The following SAE1 variants were observed in gnomAD, a reference collection of about 807,000 sequenced individuals.
SAE1 encodes the protein SUMO1 activating enzyme subunit 1.
SAE1 carries 11 observed loss-of-function variants against 40.6 expected under a neutral mutation model. The ratio of observed to expected loss-of-function variants is 0.27; its 90% CI spans 0.17 to 0.45. The LOEUF is 0.45. Among genes scored for constraint, SAE1 ranks in the 20% least tolerant of loss-of-function variants. SAE1 has a pLI of 1.00. For synonymous variants in SAE1, 155 were observed against 154.3 expected (o/e 1.00, Z -0.03); for missense variants, 373 against 427.3 (o/e 0.87, Z 1.12).
At chr19:47,139,352 A>AT (rs928548546) in intron 1 of SAE1, among the ~76,000 whole-genome samples, 124 of 150,882 alleles carry the variant, frequency 8.2e-4, no homozygotes, top group African/African-American at 2.7e-3. Flanking sequence ...CACCCAGCTA[A>AT]TTTTTTTTTG....
intron 1 of SAE1, 125 bp downstream of exon 1, chr19:47,131,153 G>A: frequency 7.0e-7 from 1 of 1,429,628 alleles, no homozygotes; most frequent in Non-Finnish European, 9.1e-7. Context: ...TGTGCTCTGG[G>A]ATCGTCTCTC....
At chr19:47,169,208 A>G (rs867211737) in intron 5 of SAE1, among the ~76,000 whole-genome samples, 4 of 152,156 alleles carry the variant, frequency 2.6e-5, no homozygotes, top group African/African-American at 9.7e-5. Flanking sequence ...TCATTGTGGA[A>G]GTATTCCTGT....
chr19:47,205,652 T>C (rs2058682741), intron 8 of SAE1, among the ~76,000 whole-genome samples: 1 of 152,088 alleles, frequency 6.6e-6, no homozygotes, highest in Non-Finnish European at 1.5e-5. Flanking sequence ...AATGTACATA[T>C]TTTTGTAGCC....
chr19:47,144,851 G>A (rs531827481), intron 2 of SAE1, among the ~76,000 whole-genome samples: 1 of 152,116 alleles, frequency 6.6e-6, no homozygotes, highest in African/African-American at 2.4e-5. Context: ...GTGTTTTTGC[G>A]AGACGAGTCT....
intron 2 of SAE1, 107 bp from the exon 3 acceptor site, chr19:47,150,095 A>AAT: frequency 5.7e-6 from 4 of 696,838 alleles, no homozygotes; most frequent in Non-Finnish European, 8.5e-6. Flanking sequence ...AAAAAAAAAA[A>AAT]TTTAGGTGGT....
At chr19:47,184,817 T>C (rs1056003627) in intron 6 of SAE1, among the ~76,000 whole-genome samples, 1 of 151,492 alleles carries the variant, frequency 6.6e-6, no homozygotes, top group Non-Finnish European at 1.5e-5. Context: ...TGTTTTGTTT[T>C]GTTTTGTTTT....
chr19:47,165,135 G>A (rs1038108667), intron 5 of SAE1, among the ~76,000 whole-genome samples: 18 of 135,734 alleles, frequency 1.3e-4, no homozygotes, highest in Non-Finnish European at 2.4e-4. Context: ...CCAGGCTGGA[G>A]TACAGTGGTT....
At chr19:47,206,826 G>A (rs904295099) in intron 8 of SAE1, among the ~76,000 whole-genome samples, 3 of 152,062 alleles carry the variant, frequency 2.0e-5, no homozygotes, top group Non-Finnish European at 4.4e-5. Context: ...CTACGTGCTC[G>A]GCACTTTACA....
intron 7 of SAE1, among the ~76,000 whole-genome samples, chr19:47,201,630 GGGA>G (rs1431839774): frequency 1.3e-5 from 2 of 149,876 alleles, no homozygotes; most frequent in East Asian, 3.9e-4. Context: ...TACCAGCAAT[GGGA>G]GGAGTTTTTT....
At chr19:47,163,261 AAAAG>A (rs1439637541) in intron 5 of SAE1, among the ~76,000 whole-genome samples, 3 of 151,932 alleles carry the variant, frequency 2.0e-5, no homozygotes, top group African/African-American at 4.8e-5. Context: ...CAAAAAAAAA[AAAAG>A]AAAATTGAAA....
At chr19:47,150,511 G>A (rs1226981156) in intron 3 of SAE1, 136 bp downstream of exon 3, 1 of 698,782 alleles carries the variant, frequency 1.4e-6, no homozygotes, top group African/African-American at 1.8e-5. Flanking sequence ...AAATGTATAA[G>A]CTGTTCTATT....
intron 6 of SAE1, among the ~76,000 whole-genome samples, chr19:47,185,940 C>CA (rs1162679858): frequency 4.7e-5 from 7 of 148,340 alleles, no homozygotes; most frequent in Admixed American, 4.0e-4. Flanking sequence ...ACATAACACT[C>CA]AAAAAAATGC....
chr19:47,193,121 A>G (rs1197698461), intron 6 of SAE1, among the ~76,000 whole-genome samples: 1 of 148,822 alleles, frequency 6.7e-6, no homozygotes, highest in African/African-American at 2.5e-5. Flanking sequence ...GCAGTGGCAC[A>G]ATCTCGGCTC....
intron 6 of SAE1, among the ~76,000 whole-genome samples, chr19:47,174,183 T>C (rs1166600252): frequency 6.6e-6 from 1 of 152,070 alleles, no homozygotes; most frequent in African/African-American, 2.4e-5. Context: ...TGTTTACCAC[T>C]CTCTCCCAGA....
chr19:47,186,147 G>A (rs1053651772), intron 6 of SAE1, among the ~76,000 whole-genome samples: 3 of 151,766 alleles, frequency 2.0e-5, no homozygotes, highest in Non-Finnish European at 4.4e-5. Context: ...GGCTGAAGCA[G>A]GAGAATCACT....
chr19:47,150,320 T>G lies in SAE1; in HGVS notation c.329T>G (p.Val110Gly), dbSNP rs1161473190. ...CTCAACCCCATGGTGGATGTGAAGG[T>G]GGACACTGAGGATATAGAGAAGAAA... is the stretch of plus-strand genomic sequence containing the variant. ...QNLNPMVDVKVDTEDIEKKPE... is the reference protein window; with the variant it reads ...QNLNPMVDVKGDTEDIEKKPE... The change falls in exon 3 of 9, where the codon GTG becomes GGG. Residue 110 changes from valine (V) to glycine (G), a missense_variant. Val to Gly is a moderately radical substitution (Grantham distance 109). This residue lies in a region of SAE1 where 351 missense variants were observed against 390.6 expected (regional missense o/e 0.90). Coordinates refer to ENST00000270225, the MANE Select transcript of SAE1 (RefSeq NM_005500.3). 6.2e-7 allele frequency: 1 copy of G among 1,613,644 alleles called. No homozygotes were observed. The highest frequency in any genetic ancestry group is 8.5e-7 in the Non-Finnish European group (1 of 1,179,784).
intron 6 of SAE1, among the ~76,000 whole-genome samples, chr19:47,196,333 C>CTTTTTTTTTTT (rs61498882): frequency 7.5e-4 from 21 of 27,888 alleles, no homozygotes; most frequent in East Asian, 1.6e-3. Context: ...CCGCGCCTGG[C>CTTTTTTTTTTT]TTTTTTTTTT....
At chr19:47,142,297 T>C (rs1225422263) in intron 1 of SAE1, among the ~76,000 whole-genome samples, 1 of 151,386 alleles carries the variant, frequency 6.6e-6, no homozygotes, top group African/African-American at 2.4e-5. Context: ...GGCAGGAGAA[T>C]TGCTTGGACC....
intron 6 of SAE1, among the ~76,000 whole-genome samples, chr19:47,189,643 G>T (rs2058567436): frequency 6.6e-6 from 1 of 152,168 alleles, no homozygotes; most frequent in African/African-American, 2.4e-5. Context: ...GGGAATTGGG[G>T]CCGAGGTGTC....
Sources: gnomAD v4.1 joint callset for allele counts (sites outside exome capture counted in the v4.1 genomes callset) on GRCh38, gnomAD v4.1.1 for gene constraint, gnomAD v4.1.1 regional missense constraint, MANE v1.5 for transcripts, NCBI Gene and HGNC (gene_info 2026-07-23, HGNC 2026-07-21) for gene names.